Variants in NOVA1 observed in about 807,000 individuals in gnomAD.
NOVA1 encodes the protein RNA-binding protein Nova-1.
NOVA1 carries 7 observed loss-of-function variants against 38.0 expected under a neutral mutation model. That is an observed-to-expected ratio of 0.18 (90% CI 0.10 to 0.35). The LOEUF is 0.35. Among genes scored for constraint, NOVA1 ranks in the 10% least tolerant of loss-of-function variants. The pLI is 1.00. For synonymous variants in NOVA1, 270 were observed against 232.5 expected (o/e 1.16, Z -1.47); for missense variants, 460 against 616.0 (o/e 0.75, Z 2.68).
intron 2 of NOVA1, among the ~76,000 whole-genome samples, chr14:26,573,334 T>G (rs944701334): frequency 3.3e-5 from 5 of 152,064 alleles, no homozygotes; most frequent in African/African-American, 1.2e-4. Context: ...AATAAAATGC[T>G]GAGAAAAAAA....
At chr14:26,478,731 T>C (rs192236543) in intron 3 of NOVA1, among the ~76,000 whole-genome samples, 5 of 152,088 alleles carry the variant, frequency 3.3e-5, no homozygotes, top group East Asian at 3.9e-4. Flanking sequence ...CTCCCATGTA[T>C]ACATTAAGGG....
intron 2 of NOVA1, among the ~76,000 whole-genome samples, chr14:26,533,998 A>T (rs931587743): frequency 2.0e-5 from 3 of 152,336 alleles, no homozygotes; most frequent in Non-Finnish European, 4.4e-5. Context: ...GAGAATTTTC[A>T]TGCTACAAAA....
At chr14:26,478,807 T>G (rs1885200380) in intron 3 of NOVA1, among the ~76,000 whole-genome samples, 1 of 151,936 alleles carries the variant, frequency 6.6e-6, no homozygotes, top group South Asian at 2.1e-4. Flanking sequence ...GATTATAATA[T>G]GAACATTTTT....
At chr14:26,463,135 T>C (rs956395129) in intron 4 of NOVA1, among the ~76,000 whole-genome samples, 1 of 152,182 alleles carries the variant, frequency 6.6e-6, no homozygotes, top group Admixed American at 6.5e-5. Flanking sequence ...AATATCAGAA[T>C]TTATTTAATC....
At chr14:26,542,979 A>G (rs1226396957) in intron 2 of NOVA1, among the ~76,000 whole-genome samples, 1 of 151,948 alleles carries the variant, frequency 6.6e-6, no homozygotes, top group African/African-American at 2.4e-5. Context: ...CTAAGAATAA[A>G]TAAACACCAC....
chr14:26,483,283 T>C (rs921171539), intron 2 of NOVA1, among the ~76,000 whole-genome samples: 3 of 152,234 alleles, frequency 2.0e-5, no homozygotes, highest in Non-Finnish European at 4.4e-5. Flanking sequence ...CCATCACTTA[T>C]GCACTGGGCC....
intron 2 of NOVA1, among the ~76,000 whole-genome samples, chr14:26,550,869 G>A (rs1292053430): frequency 6.6e-6 from 1 of 151,902 alleles, no homozygotes; most frequent in Non-Finnish European, 1.5e-5. Flanking sequence ...TATACTCAGT[G>A]GAGTTAGAGA....
intron 4 of NOVA1, among the ~76,000 whole-genome samples, chr14:26,463,721 A>T (rs1322902691): frequency 2.0e-5 from 3 of 152,146 alleles, no homozygotes; most frequent in Admixed American, 1.3e-4. Flanking sequence ...TCCTTGCTTA[A>T]GTCATCCTTG....
intron 2 of NOVA1, among the ~76,000 whole-genome samples, chr14:26,574,389 T>C (rs928480569): frequency 1.3e-5 from 2 of 151,320 alleles, no homozygotes; most frequent in African/African-American, 4.9e-5. Flanking sequence ...ATCATAAAAT[T>C]GGGAAAAATA....
intron 2 of NOVA1, among the ~76,000 whole-genome samples, chr14:26,508,551 T>TAC (rs1255845075): frequency 1.8e-5 from 1 of 56,546 alleles, no homozygotes; most frequent in Non-Finnish European, 5.5e-5. Context: ...TTTTCACATG[T>TAC]ACATACACAC....
intron 2 of NOVA1, among the ~76,000 whole-genome samples, chr14:26,526,227 TAAGAA>T (rs1369986826): frequency 6.6e-6 from 1 of 152,158 alleles, no homozygotes; most frequent in African/African-American, 2.4e-5. Context: ...ATGTTAAATA[TAAGAA>T]TATGTTTTTA....
chr14:26,555,503 G>A (rs1891427504), intron 2 of NOVA1, among the ~76,000 whole-genome samples: 1 of 152,012 alleles, frequency 6.6e-6, no homozygotes, highest in African/African-American at 2.4e-5. Context: ...TTCCTTCTCA[G>A]AGGTACAACA....
At chr14:26,474,265 C>T (rs1320405206) in intron 3 of NOVA1, among the ~76,000 whole-genome samples, 1 of 151,932 alleles carries the variant, frequency 6.6e-6, no homozygotes, top group Non-Finnish European at 1.5e-5. Context: ...GTGTTGAGCT[C>T]TTCTATTTCC....
At chr14:26,515,252 T>C (rs1474485486) in intron 2 of NOVA1, among the ~76,000 whole-genome samples, 1 of 151,956 alleles carries the variant, frequency 6.6e-6, no homozygotes, top group East Asian at 1.9e-4. Context: ...ATGACTGTAA[T>C]GTGTAACCTG....
intron 2 of NOVA1, 56 bp from the exon 3 acceptor site, chr14:26,480,199 T>A: frequency 2.7e-6 from 4 of 1,494,278 alleles, no homozygotes; most frequent in Admixed American, 4.2e-5. Context: ...TTAAAAAAAT[T>A]ATGAAAAAGG....
intron 4 of NOVA1, among the ~76,000 whole-genome samples, chr14:26,450,075 TTG>T (rs1882522606): frequency 1.3e-5 from 2 of 152,272 alleles, no homozygotes; most frequent in Admixed American, 6.5e-5. Context: ...CTTGTGATTG[TTG>T]TGTTACTGAC....
At chr14:26,521,456 C>T (rs1888887883) in intron 2 of NOVA1, among the ~76,000 whole-genome samples, 1 of 151,824 alleles carries the variant, frequency 6.6e-6, no homozygotes, top group African/African-American at 2.4e-5. Context: ...ATATTGTTTG[C>T]CTTTGTGTTT....
At chr14:26,478,673 T>A (rs902474020) in intron 3 of NOVA1, among the ~76,000 whole-genome samples, 2 of 151,912 alleles carry the variant, frequency 1.3e-5, no homozygotes, top group African/African-American at 4.8e-5. Context: ...TAAATGACTG[T>A]GAAAAATAAA....
In NOVA1 at chr14:26,445,569, A is replaced by C. The variant is rs1464245270; in HGVS notation, c.*2390T>G. The C allele has an allele frequency of 3.9e-5, 6 of 152,232 alleles. No homozygotes were observed. The highest frequency in any genetic ancestry group is 7.3e-5 in the Non-Finnish European group (5 of 68,034). The allele number at this position is 152,232 out of a possible 1,614,324, so 9.4% of individuals were successfully genotyped here. A position where few individuals can be genotyped will look rare whatever the true frequency, so the allele number is the denominator to read the frequency against. On this transcript the variant is annotated 3_prime_UTR_variant, in exon 5 of 5. Transcript: ENST00000539517. ...AATTGTTTAAATGGTTTGGCTTCAA[A>C]GTAACATTAAATTCCAGATGAAATG...
Sources: gnomAD v4.1 joint callset for allele counts (sites outside exome capture counted in the v4.1 genomes callset) on GRCh38, gnomAD v4.1.1 for gene constraint, MANE v1.5 for transcripts, NCBI Gene and HGNC (gene_info 2026-07-23, HGNC 2026-07-21) for gene names.